The following KCNH1 variants were observed in gnomAD, a reference collection of about 807,000 sequenced individuals.
KCNH1 encodes voltage-gated delayed rectifier potassium channel KCNH1.
Under a neutral mutation model 69.2 loss-of-function variants are expected in KCNH1, and 27 were observed. That is an observed-to-expected ratio of 0.39 (90% CI 0.29 to 0.54). The LOEUF is 0.54. Among genes scored for constraint, KCNH1 ranks in the 20% least tolerant of loss-of-function variants. The pLI, the probability that KCNH1 is intolerant of heterozygous loss-of-function variation, is 0.68. For missense variants in KCNH1, 798 were observed against 1,261.6 expected (o/e 0.63, Z 5.57); for synonymous variants, 456 against 487.7 (o/e 0.93, Z 0.86).
At chr1:210,897,839 A>G (rs1453867675) in intron 7 of KCNH1, among the ~76,000 whole-genome samples, 1 of 152,192 alleles carries the variant, frequency 6.6e-6, no homozygotes, top group Non-Finnish European at 1.5e-5. Context: ...GGAAGCTGAG[A>G]GGCAGAAGCA....
intron 7 of KCNH1, among the ~76,000 whole-genome samples, chr1:210,845,689 C>T (rs1271299664): frequency 6.6e-6 from 1 of 152,166 alleles, no homozygotes; most frequent in East Asian, 1.9e-4. Context: ...TGCCTTCTCT[C>T]ACCACTCCTA....
chr1:210,946,754 C>T (rs1025330687), intron 6 of KCNH1, among the ~76,000 whole-genome samples: 4 of 152,192 alleles, frequency 2.6e-5, no homozygotes, highest in African/African-American at 9.7e-5. Flanking sequence ...CGCTGAACAA[C>T]TTGAATTCCT....
intron 6 of KCNH1, among the ~76,000 whole-genome samples, chr1:211,018,339 C>T (rs1483964128): frequency 5.9e-5 from 9 of 152,190 alleles, no homozygotes; most frequent in Non-Finnish European, 1.2e-4. Context: ...TAAAAGCAAA[C>T]TTTCAGGAAA....
At chr1:210,836,752 T>C (rs1319946624) in intron 7 of KCNH1, among the ~76,000 whole-genome samples, 1 of 152,088 alleles carries the variant, frequency 6.6e-6, no homozygotes, top group Non-Finnish European at 1.5e-5. Context: ...GCAAACACTA[T>C]AAAGATGAGG....
intron 5 of KCNH1, among the ~76,000 whole-genome samples, chr1:211,038,196 C>T (rs978206529): frequency 1.3e-4 from 20 of 151,880 alleles, no homozygotes; most frequent in Non-Finnish European, 2.2e-4. Flanking sequence ...CTCCTGACCT[C>T]GTGATCTGCC....
At chr1:210,855,256 T>A (rs1209194284) in intron 7 of KCNH1, among the ~76,000 whole-genome samples, 3 of 152,188 alleles carry the variant, frequency 2.0e-5, no homozygotes, top group African/African-American at 7.2e-5. Context: ...GAAGGAGGAT[T>A]AAGACACTCA....
At chr1:210,748,860 A>G (rs1402317755) in intron 10 of KCNH1, among the ~76,000 whole-genome samples, 1 of 152,098 alleles carries the variant, frequency 6.6e-6, no homozygotes, top group African/African-American at 2.4e-5. Context: ...CCCCAGATTT[A>G]TTCAGAACCT....
At chr1:210,991,151 C>G (rs1312241066) in intron 6 of KCNH1, among the ~76,000 whole-genome samples, 1 of 152,190 alleles carries the variant, frequency 6.6e-6, no homozygotes, top group Non-Finnish European at 1.5e-5. Context: ...TATCTGCATG[C>G]TCATCTTCAC....
intron 5 of KCNH1, among the ~76,000 whole-genome samples, chr1:211,052,928 G>T (rs1690231843): frequency 6.6e-6 from 1 of 152,224 alleles, no homozygotes; most frequent in Non-Finnish European, 1.5e-5. Context: ...ACATCCTACA[G>T]ATGGATGGCT....
At chr1:210,923,887 C>G (rs1272094790) in intron 6 of KCNH1, among the ~76,000 whole-genome samples, 1 of 152,136 alleles carries the variant, frequency 6.6e-6, no homozygotes, top group Non-Finnish European at 1.5e-5. Context: ...AGAATGTGAC[C>G]TCATTTGGAA....
At chr1:210,806,209 A>G (rs575141477) in intron 7 of KCNH1, among the ~76,000 whole-genome samples, 2 of 152,330 alleles carry the variant, frequency 1.3e-5, no homozygotes, top group South Asian at 2.1e-4. Context: ...CAGTGTCTCA[A>G]TATCCTCATT....
chr1:211,090,353 C>A (rs1391669550), intron 4 of KCNH1, among the ~76,000 whole-genome samples: 1 of 152,154 alleles, frequency 6.6e-6, no homozygotes, highest in African/African-American at 2.4e-5. Context: ...GAAATTGATT[C>A]AAATGCTTTC....
chr1:210,780,005 G>T (rs1294660122), intron 9 of KCNH1, among the ~76,000 whole-genome samples: 1 of 152,144 alleles, frequency 6.6e-6, no homozygotes, highest in African/African-American at 2.4e-5. Flanking sequence ...CAGGCAATTT[G>T]GTTAAATGAA....
At chr1:210,998,722 C>T (rs1272306427) in intron 6 of KCNH1, among the ~76,000 whole-genome samples, 2 of 152,164 alleles carry the variant, frequency 1.3e-5, no homozygotes, top group Non-Finnish European at 2.9e-5. Flanking sequence ...CTTTTCAGCA[C>T]CACAACACAC....
At chr1:210,891,332 C>A (rs1574321293) in intron 7 of KCNH1, among the ~76,000 whole-genome samples, 1 of 151,960 alleles carries the variant, frequency 6.6e-6, no homozygotes, top group Non-Finnish European at 1.5e-5. Flanking sequence ...TAGGTGGGAA[C>A]TGAACAATGA....
chr1:210,833,916 C>CA (rs1392038025), intron 7 of KCNH1, among the ~76,000 whole-genome samples: 1 of 152,138 alleles, frequency 6.6e-6, no homozygotes, highest in Non-Finnish European at 1.5e-5. Context: ...TTTATGCAGA[C>CA]AAAAAACACA....
chr1:210,954,267 G>C (rs1053515433), intron 6 of KCNH1, among the ~76,000 whole-genome samples: 4 of 152,168 alleles, frequency 2.6e-5, no homozygotes, highest in African/African-American at 7.2e-5. Flanking sequence ...GTATTCCATG[G>C]TGTATATGTG....
At chr1:211,122,450 A>C (rs1000016310) in intron 1 of KCNH1, among the ~76,000 whole-genome samples, 4 of 152,200 alleles carry the variant, frequency 2.6e-5, no homozygotes, top group African/African-American at 7.2e-5. Flanking sequence ...CAGAAATACT[A>C]TTTGACCCAG....
At chr1:210,769,067 T>C (rs1683699422) in intron 10 of KCNH1, among the ~76,000 whole-genome samples, 2 of 152,202 alleles carry the variant, frequency 1.3e-5, no homozygotes, top group South Asian at 4.1e-4. Flanking sequence ...GACTAATAGA[T>C]GATTTTAATT....
Sources: gnomAD v4.1 joint callset for allele counts (sites outside exome capture counted in the v4.1 genomes callset) on GRCh38, gnomAD v4.1.1 for gene constraint, MANE v1.5 for transcripts, NCBI Gene and HGNC (gene_info 2026-07-23, HGNC 2026-07-21) for gene names.